The following EXOC4 variants were observed in gnomAD, a reference collection of about 807,000 sequenced individuals.
EXOC4 encodes the protein exocyst complex component 4.
A neutral mutation model predicts 107.2 loss-of-function variants in EXOC4; 71 were observed. That is an observed-to-expected ratio of 0.66 (90% confidence interval 0.55 to 0.81). The LOEUF (loss-of-function observed/expected upper bound fraction) is 0.81. EXOC4 is among the 30% of genes least tolerant of loss of function. The pLI, the probability that EXOC4 is intolerant of heterozygous loss-of-function variation, is 0.00. For synonymous variants in EXOC4, 456 were observed against 441.2 expected (o/e 1.03, Z -0.42); for missense variants, 1,108 against 1,189.6 (o/e 0.93, Z 1.01).
At chr7:133,352,814 C>T (rs1795941238) in intron 5 of EXOC4, among the ~76,000 whole-genome samples, 1 of 151,874 alleles carries the variant, frequency 6.6e-6, no homozygotes, top group South Asian at 2.1e-4. Flanking sequence ...CATTCTGTAG[C>T]ATTTTTCTTT....
chr7:133,563,833 T>C lies in EXOC4; in HGVS notation c.1418-66212T>C, dbSNP rs114438420. The stretch of plus-strand genomic sequence containing the variant: ...TTGGGTAAAGATAGAAATTTGTTTC[T>C]ACAGAACTGCCAGGAATTATATTAC... On this transcript the variant is annotated intron_variant, in intron 9 of 17. Coordinates refer to ENST00000253861, the MANE Select transcript of EXOC4 (RefSeq NM_021807.4). Among the ~76,000 whole-genome samples, 783 of 152,362 alleles carry C rather than the reference T, an allele frequency of 5.1e-3. 8 individuals are homozygous for C. The highest frequency in any genetic ancestry group is 0.018 in the African/African-American group (737 of 41,592).
At chr7:133,618,154 C>T (rs1802240852) in intron 9 of EXOC4, among the ~76,000 whole-genome samples, 1 of 151,982 alleles carries the variant, frequency 6.6e-6, no homozygotes. Context: ...CTTAATGACT[C>T]CTGCCTTTTA....
In EXOC4 at chr7:133,534,124, C is replaced by G. The variant is rs190172290; in HGVS notation, c.1417+53986C>G. ...GTTCCCTGTATTTTCATAATCAAAC[C>G]GTAGCCTCTGCCTTTTGATGTTTTG... On this transcript the variant is annotated intron_variant, in intron 9 of 17. Transcript: ENST00000253861. Among the ~76,000 whole-genome samples, 165 of 152,268 alleles carry G rather than the reference C, an allele frequency of 1.1e-3. 1 individual carries two copies. The highest frequency in any genetic ancestry group is 3.9e-3 in the African/African-American group (163 of 41,572).
chr7:133,787,050 T>G (rs1585144434), intron 10 of EXOC4, among the ~76,000 whole-genome samples: 1 of 152,242 alleles, frequency 6.6e-6, no homozygotes, highest in South Asian at 2.1e-4. Context: ...AGTCTGTAGA[T>G]GCAAAGTGCT....
rs370384567 is a variant in EXOC4 at position 133,907,787 on chromosome 7, A to G, written c.1872-9796A>G. ...CTGGGAGGCAGAGGTTGCAGTGAGG[A>G]CTCGGTCTGGAAAGAAAGAGAGAGA... is the stretch of plus-strand genomic sequence containing the variant. On this transcript the variant is annotated intron_variant, in intron 12 of 17. Coordinates refer to ENST00000253861, the MANE Select transcript of EXOC4 (RefSeq NM_021807.4). Among the ~76,000 whole-genome samples the G allele has an allele frequency of 4.6e-5, 7 of 151,752 alleles. No homozygotes were observed. The East Asian group carries it at 1.4e-3, about 29-fold the overall frequency.
downstream of EXOC4, among the ~76,000 whole-genome samples, chr7:134,067,891 T>A (rs1217512267): frequency 1.3e-5 from 2 of 152,148 alleles, no homozygotes; most frequent in Non-Finnish European, 2.9e-5. Flanking sequence ...TTTTTATTCC[T>A]ACCTCACAGT....
In EXOC4 at chr7:133,923,593, A is replaced by T. The variant is rs1253595511; in HGVS notation, c.2027+5855A>T. ...ACATATTTGTTCAAATCTATTGCCC[A>T]TTTTAATTAGCTTGTCTGTCTGTAG... On this transcript the variant is annotated intron_variant, in intron 13 of 17. Transcript: ENST00000253861. Among the ~76,000 whole-genome samples, 8 of 152,200 alleles carry T rather than the reference A, an allele frequency of 5.3e-5. No homozygotes were observed. In the South Asian group the frequency reaches 1.7e-3, roughly 32 times the overall value.
chr7:133,864,766 T>C (rs1798601994), intron 11 of EXOC4, among the ~76,000 whole-genome samples: 1 of 152,244 alleles, frequency 6.6e-6, no homozygotes, highest in Non-Finnish European at 1.5e-5. Context: ...GATTTAGCAG[T>C]CTTTAATGGT....
intron 9 of EXOC4, among the ~76,000 whole-genome samples, chr7:133,514,378 T>C (rs1404564389): frequency 6.6e-6 from 1 of 152,130 alleles, no homozygotes; most frequent in Non-Finnish European, 1.5e-5. Flanking sequence ...TAGCCAGCAT[T>C]GTCTCAATCT....
Position 133,883,532 on chromosome 7 carries a change from A to C in EXOC4, c.1735-12067A>C, listed in dbSNP as rs528801738. ...GTGGCCTCTGCCTGTAGTCTCAGCT[A>C]CTGGAGAGTCTGAGGTGGGAGGATT... On this transcript the variant is annotated intron_variant, in intron 11 of 17. Transcript: ENST00000253861. Among the ~76,000 whole-genome samples, 5 of 151,698 alleles carry C rather than the reference A, an allele frequency of 3.3e-5. No individual in the cohort carries two copies. The South Asian group carries it at 1.0e-3, about 32-fold the overall frequency.
At chr7:133,976,929 A>T (rs559729997) in intron 14 of EXOC4, among the ~76,000 whole-genome samples, 33 of 152,344 alleles carry the variant, frequency 2.2e-4, no homozygotes, top group Admixed American at 7.8e-4. Flanking sequence ...GAATGTTCTG[A>T]TGAATGAGCC....
intron 11 of EXOC4, among the ~76,000 whole-genome samples, chr7:133,854,785 C>T (rs1798313053): frequency 1.3e-5 from 2 of 149,884 alleles, no homozygotes; most frequent in Admixed American, 1.3e-4. Context: ...TCCTCACCAT[C>T]CCTTTTCCTT....
Position 133,475,465 on chromosome 7 carries a change from T to C in EXOC4, c.1320T>C (p.Ser440=), listed in dbSNP as rs1337800494. ...AGAAACCTCAAAGGCCAAAAAATTC[T>C]CTTTTCAAGTAAGTATTATTCTGCT... ...AKKKPQRPKN[S]LFKFESSSHA... The change falls in exon 8 of 18, where the codon TCT becomes TCC. Residue 440 remains serine, a synonymous_variant. Transcript: ENST00000253861. The C allele has an allele frequency of 6.2e-7, 1 of 1,613,978 alleles. No homozygotes were observed. The highest frequency in any genetic ancestry group is 8.5e-7 in the Non-Finnish European group (1 of 1,179,910).
chr7:133,834,303 G>T (rs771498379), intron 11 of EXOC4, among the ~76,000 whole-genome samples: 2 of 151,976 alleles, frequency 1.3e-5, no homozygotes, highest in Non-Finnish European at 2.9e-5. Flanking sequence ...TTGGAAAGAG[G>T]ACTAATTTTC....
chr7:133,380,163 C>G (rs539124550), intron 7 of EXOC4, among the ~76,000 whole-genome samples: 1 of 151,736 alleles, frequency 6.6e-6, no homozygotes, highest in East Asian at 1.9e-4. Flanking sequence ...GGGTGCAGCA[C>G]ACCAACATGT....
intron 5 of EXOC4, among the ~76,000 whole-genome samples, chr7:133,354,180 A>G (rs1291798641): frequency 6.6e-6 from 1 of 151,550 alleles, no homozygotes; most frequent in Non-Finnish European, 1.5e-5. Flanking sequence ...TGAATGGGCC[A>G]TATTTGCCTC....
chr7:133,482,229 A>C (rs750597912), intron 9 of EXOC4, among the ~76,000 whole-genome samples: 2 of 152,158 alleles, frequency 1.3e-5, no homozygotes, highest in Admixed American at 6.5e-5. Context: ...GTCCCAGCTA[A>C]ATTGAGTGGA....
intron 7 of EXOC4, among the ~76,000 whole-genome samples, chr7:133,440,358 A>AC (rs1328794598): frequency 5.4e-5 from 7 of 130,258 alleles, no homozygotes; most frequent in Non-Finnish European, 8.1e-5. Flanking sequence ...CTCCACCCCC[A>AC]CCCCCCCATT....
intron 5 of EXOC4, among the ~76,000 whole-genome samples, chr7:133,331,718 G>A (rs1584821099): frequency 6.6e-6 from 1 of 152,184 alleles, no homozygotes; most frequent in East Asian, 1.9e-4. Context: ...GCCCGCCTCG[G>A]CCTCCCAAAG....
Sources: gnomAD v4.1 joint callset for allele counts (sites outside exome capture counted in the v4.1 genomes callset) on GRCh38, gnomAD v4.1.1 for gene constraint, MANE v1.5 for transcripts, NCBI Gene and HGNC (gene_info 2026-07-23, HGNC 2026-07-21) for gene names.